SOS1: variants seen among roughly 807,000 people sequenced by gnomAD.
SOS1 encodes the protein son of sevenless homolog 1.
A neutral mutation model predicts 157.6 loss-of-function variants in SOS1; 25 were observed. That is an observed-to-expected ratio of 0.16 (90% CI 0.12 to 0.22). The LOEUF (loss-of-function observed/expected upper bound fraction) is 0.22. Among genes scored for constraint, SOS1 ranks in the 10% least tolerant of loss-of-function variants. SOS1 has a pLI of 1.00. For missense variants in SOS1, 1,237 were observed against 1,599.1 expected, an observed-to-expected ratio of 0.77 and a Z score of 3.86; for synonymous variants, 528 against 534.0, an observed-to-expected ratio of 0.99 and a Z score of 0.16.
At chr2:39,051,381 T>A in intron 5 of SOS1, 94 bp from the exon 6 acceptor site, 1 of 1,127,908 alleles carries the variant, frequency 8.9e-7, no homozygotes, top group Non-Finnish European at 1.3e-6. Context: ...ATCACAAAAT[T>A]TAACATGTCA....
At chr2:39,045,881 G>T (rs964582889) in intron 6 of SOS1, among the ~76,000 whole-genome samples, 1 of 151,640 alleles carries the variant, frequency 6.6e-6, no homozygotes, top group Non-Finnish European at 1.5e-5. Flanking sequence ...GCTAATTTTT[G>T]TATTTTTTTT....
chr2:39,037,063 C>G (rs1670381521), intron 6 of SOS1, among the ~76,000 whole-genome samples: 1 of 152,204 alleles, frequency 6.6e-6, no homozygotes, highest in African/African-American at 2.4e-5. Context: ...TGCAATATGG[C>G]ATGTAAACTT....
intron 1 of SOS1, among the ~76,000 whole-genome samples, chr2:39,101,662 G>A (rs1423700529): frequency 6.6e-6 from 1 of 151,362 alleles, no homozygotes; most frequent in East Asian, 1.9e-4. Flanking sequence ...AAAAAAAACA[G>A]AAAACAAACT....
chr2:39,107,977 T>C (rs1460315636), intron 1 of SOS1, among the ~76,000 whole-genome samples: 2 of 152,182 alleles, frequency 1.3e-5, no homozygotes, highest in African/African-American at 2.4e-5. Flanking sequence ...AAATCCCTCC[T>C]ATCACAATTC....
rs549122821 is a variant in SOS1, at chr2:38,991,763, G to A, written c.3347-2449C>T. Among the ~76,000 whole-genome samples, 17 of 152,258 alleles carry A rather than the reference G, an allele frequency of 1.1e-4. No homozygotes were observed. In the South Asian group the frequency reaches 3.5e-3, roughly 31 times the overall value. On this transcript the variant is annotated intron_variant, in intron 20 of 22. Transcript: ENST00000402219. Reference sequence around the variant, plus strand: ...TTACCACTATTTTTAGCGTTTAACTGTGAATCTCTTTGCACTATGATTATT... The same window carrying A: ...TTACCACTATTTTTAGCGTTTAACTATGAATCTCTTTGCACTATGATTATT...
chr2:39,008,398 G>GC, intron 15 of SOS1, among the ~76,000 whole-genome samples: 1 of 152,162 alleles, frequency 6.6e-6, no homozygotes. Context: ...CAGCCCCAGA[G>GC]CCCTGTTTCA....
chr2:39,103,095 G>C (rs1241217243), intron 1 of SOS1, among the ~76,000 whole-genome samples: 3 of 152,108 alleles, frequency 2.0e-5, no homozygotes, highest in Non-Finnish European at 4.4e-5. Flanking sequence ...TACCTAGAAA[G>C]AGATTTAACC....
intron 1 of SOS1, among the ~76,000 whole-genome samples, chr2:39,081,414 G>A (rs376655580): frequency 6.6e-6 from 1 of 151,934 alleles, no homozygotes; most frequent in Non-Finnish European, 1.5e-5. Context: ...CAGCTTCTGG[G>A]GAGGCTGAGG....
intron 1 of SOS1, among the ~76,000 whole-genome samples, chr2:39,115,415 T>TG (rs1673611894): frequency 6.9e-6 from 1 of 144,286 alleles, no homozygotes; most frequent in African/African-American, 2.6e-5. Flanking sequence ...TCTTTTTTTT[T>TG]TTTTTTTTTT....
intron 1 of SOS1, among the ~76,000 whole-genome samples, chr2:39,106,927 C>T (rs1166371293): frequency 1.3e-5 from 2 of 152,130 alleles, no homozygotes; most frequent in Non-Finnish European, 2.9e-5. Context: ...TTTTGTCTTA[C>T]TGTTCTGTTT....
At chr2:39,111,855 G>A (rs754732959) in intron 1 of SOS1, among the ~76,000 whole-genome samples, 67 of 151,190 alleles carry the variant, frequency 4.4e-4, no homozygotes, top group Non-Finnish European at 5.7e-4. Context: ...TCAGCCTCCC[G>A]AACAGCTGGG....
At chr2:39,040,901 T>A (rs1670546904) in intron 6 of SOS1, among the ~76,000 whole-genome samples, 1 of 152,196 alleles carries the variant, frequency 6.6e-6, no homozygotes, top group Non-Finnish European at 1.5e-5. Flanking sequence ...CTGTTTAACT[T>A]TTTGAGAAAC....
intron 1 of SOS1, among the ~76,000 whole-genome samples, chr2:39,087,402 T>C (rs2148181333): frequency 6.6e-6 from 1 of 152,364 alleles, no homozygotes; most frequent in East Asian, 1.9e-4. Flanking sequence ...GTCTTAAGTC[T>C]ATGGTTCATG....
At chr2:39,010,525 C>T in intron 15 of SOS1, 59 bp downstream of exon 15, 1 of 1,510,308 alleles carries the variant, frequency 6.6e-7, no homozygotes, top group Non-Finnish European at 9.2e-7. Context: ...AAAAAAATTG[C>T]ATTGAAATTC....
At chr2:39,055,263 C>T (rs1047917966) in intron 4 of SOS1, among the ~76,000 whole-genome samples, 2 of 152,158 alleles carry the variant, frequency 1.3e-5, no homozygotes, top group Admixed American at 1.3e-4. Flanking sequence ...CTATTATTTT[C>T]TGCAAGAAGT....
chr2:38,991,192 T>A (rs561060570), intron 20 of SOS1, among the ~76,000 whole-genome samples: 2 of 149,990 alleles, frequency 1.3e-5, no homozygotes, highest in South Asian at 2.1e-4. Flanking sequence ...TATAAAGGAG[T>A]CATTCTTGAT....
At chr2:39,106,878 C>A (rs893942714) in intron 1 of SOS1, among the ~76,000 whole-genome samples, 12 of 152,170 alleles carry the variant, frequency 7.9e-5, no homozygotes, top group African/African-American at 2.9e-4. Flanking sequence ...TTCACCAGTT[C>A]ATAGAGTAAA....
At position 39,047,635 on chromosome 2, in the gene SOS1, A is replaced by G. The variant is rs115730623; in HGVS notation, c.864+3509T>C. Among the ~76,000 whole-genome samples the G allele has an allele frequency of 3.8e-3, 572 of 152,292 alleles. 4 individuals are homozygous for G. The highest frequency in any genetic ancestry group is 0.013 in the African/African-American group (549 of 41,566). On this transcript the variant is annotated intron_variant, in intron 6 of 22. Transcript: ENST00000402219. The stretch of plus-strand genomic sequence containing the variant: ...CAAAACAAAAAAACCCTGAAGTTTT[A>G]GTTATTGATTTGTAGGCATGTAGGA...
At chr2:39,072,698 T>C (rs1275122268) in intron 1 of SOS1, among the ~76,000 whole-genome samples, 1 of 152,170 alleles carries the variant, frequency 6.6e-6, no homozygotes, top group Non-Finnish European at 1.5e-5. Flanking sequence ...AAATAAGAAC[T>C]ATTAAATAAA....
Sources: allele counts gnomAD v4.1 joint callset (sites outside exome capture counted in the v4.1 genomes callset), GRCh38; gene constraint gnomAD v4.1.1; transcripts MANE v1.5; gene names NCBI Gene and HGNC (gene_info 2026-07-23, HGNC 2026-07-21).